The following XKR9 variants were observed in gnomAD, a reference collection of about 807,000 sequenced individuals.
XKR9 encodes the protein XK-related protein 9.
XKR9 carries 32 observed loss-of-function variants against 32.0 expected under a neutral mutation model. The ratio of observed to expected loss-of-function variants is 1.00; its 90% confidence interval spans 0.76 to 1.34. The LOEUF (loss-of-function observed/expected upper bound fraction) is 1.34. Ranked by LOEUF, XKR9 falls within the 40% of genes most tolerant of loss-of-function variation. The pLI, the probability that XKR9 is intolerant of heterozygous loss-of-function variation, is 0.00. For synonymous variants in XKR9, 168 were observed against 143.4 expected, an observed-to-expected ratio of 1.17 and a Z score of -1.22; for missense variants, 546 against 429.7, an observed-to-expected ratio of 1.27 and a Z score of -2.39.
the XKR9 span, among the ~76,000 whole-genome samples, chr8:71,037,955 A>C: frequency 8.0e-4 from 122 of 152,320 alleles, 1 homozygote; most frequent in East Asian, 0.022. Context: ...ATGTACACGA[A>C]ATGTTGGCAA....
At chr8:70,926,158 T>C in the XKR9 span, among the ~76,000 whole-genome samples, 5 of 152,194 alleles carry the variant, frequency 3.3e-5, no homozygotes, top group African/African-American at 1.2e-4. Context: ...CACTGCAACC[T>C]CCACCTCCCA....
At chr8:70,972,451 T>C in the XKR9 span, among the ~76,000 whole-genome samples, 1 of 152,178 alleles carries the variant, frequency 6.6e-6, no homozygotes, top group Admixed American at 6.5e-5. Context: ...TTGGGTGCCC[T>C]TAATTTTTTT....
chr8:70,924,577 G>A, the XKR9 span, among the ~76,000 whole-genome samples: 2 of 152,224 alleles, frequency 1.3e-5, 1 homozygote, highest in Admixed American at 1.3e-4. Flanking sequence ...CCATTTTCCT[G>A]TACCTCTCTG....
chr8:70,875,927 C>T, the XKR9 span, among the ~76,000 whole-genome samples: 1 of 151,708 alleles, frequency 6.6e-6, no homozygotes, highest in Non-Finnish European at 1.5e-5. Flanking sequence ...ATCAGCAAAC[C>T]ATAAATGTAG....
chr8:70,861,975 A>G, the XKR9 span, among the ~76,000 whole-genome samples: 1 of 152,158 alleles, frequency 6.6e-6, no homozygotes, highest in Non-Finnish European at 1.5e-5. Context: ...TATTTTACTG[A>G]AATACTGTGT....
At chr8:70,674,655 T>C (rs1818825192) in intron 1 of XKR9, among the ~76,000 whole-genome samples, 163 bp from the exon 2 acceptor site, 2 of 152,244 alleles carry the variant, frequency 1.3e-5, no homozygotes, top group South Asian at 4.1e-4. Flanking sequence ...TGCTATTTCT[T>C]CCTCTCAATG....
At chr8:70,754,583 G>A (rs1478113692) in intron 2 of XKR9, among the ~76,000 whole-genome samples, 2 of 151,020 alleles carry the variant, frequency 1.3e-5, no homozygotes, top group East Asian at 3.9e-4. Flanking sequence ...CAGTGGAACA[G>A]AACAGAGCCC....
chr8:71,010,205 A>G, the XKR9 span, among the ~76,000 whole-genome samples: 1 of 152,210 alleles, frequency 6.6e-6, no homozygotes. Context: ...ACAGCTGATA[A>G]GAAGTGTTTT....
chr8:70,800,189 C>T, the XKR9 span, among the ~76,000 whole-genome samples: 1 of 152,186 alleles, frequency 6.6e-6, no homozygotes, highest in Non-Finnish European at 1.5e-5. Context: ...GTTGAACCGA[C>T]CTTGCATCCC....
the XKR9 span, among the ~76,000 whole-genome samples, chr8:70,970,901 C>T: frequency 6.6e-6 from 1 of 152,162 alleles, no homozygotes; most frequent in Admixed American, 6.5e-5. Flanking sequence ...TGTGGCGATT[C>T]CTTAAAGATC....
At chr8:70,782,482 T>A (rs972988280) in intron 2 of XKR9, among the ~76,000 whole-genome samples, 1 of 152,020 alleles carries the variant, frequency 6.6e-6, no homozygotes, top group African/African-American at 2.4e-5. Context: ...CTGCATACAG[T>A]TGTAAAAAAA....
chr8:70,880,413 A>G, the XKR9 span, among the ~76,000 whole-genome samples: 39 of 152,342 alleles, frequency 2.6e-4, 1 homozygote, highest in South Asian at 7.9e-3. Flanking sequence ...CTGATAAGCA[A>G]CTTAGGCAAA....
intron 2 of XKR9, among the ~76,000 whole-genome samples, chr8:70,748,884 G>T (rs1412712071): frequency 6.6e-6 from 1 of 151,624 alleles, no homozygotes; most frequent in African/African-American, 2.4e-5. Flanking sequence ...CAGACATTGG[G>T]ACTACAAGCT....
chr8:70,972,398 T>C, the XKR9 span, among the ~76,000 whole-genome samples: 1 of 152,172 alleles, frequency 6.6e-6, no homozygotes, highest in Non-Finnish European at 1.5e-5. Flanking sequence ...CATACAATTA[T>C]ATAATCAGCA....
At chr8:70,872,746 T>C in the XKR9 span, among the ~76,000 whole-genome samples, 102,747 of 151,980 alleles carry the variant, frequency 0.68, 35,234 homozygotes, top group Admixed American at 0.74. Context: ...CTGCAACCTC[T>C]TCCTCCCAGG....
the XKR9 span, among the ~76,000 whole-genome samples, chr8:71,044,036 G>A: frequency 2.0e-5 from 3 of 152,158 alleles, no homozygotes; most frequent in Non-Finnish European, 4.4e-5. Flanking sequence ...CAACATGCAA[G>A]TTGGAAGGAT....
chr8:70,968,038 T>A, the XKR9 span, among the ~76,000 whole-genome samples: 968 of 152,364 alleles, frequency 6.4e-3, 11 homozygotes, highest in African/African-American at 0.022. Flanking sequence ...GTTCTCCAAC[T>A]TGGTTCCATT....
chr8:71,034,757 T>C, the XKR9 span, among the ~76,000 whole-genome samples: 1 of 152,030 alleles, frequency 6.6e-6, no homozygotes, highest in East Asian at 1.9e-4. Context: ...CCGGACGTCA[T>C]GGAACAGAGG....
At chr8:70,850,242 A>G in the XKR9 span, among the ~76,000 whole-genome samples, 1 of 152,032 alleles carries the variant, frequency 6.6e-6, no homozygotes, top group Non-Finnish European at 1.5e-5. Context: ...CAGGCGGATC[A>G]CTAGGTCAGG....
Sources: allele counts gnomAD v4.1 joint callset (sites outside exome capture counted in the v4.1 genomes callset), GRCh38; gene constraint gnomAD v4.1.1; transcripts MANE v1.5; gene names NCBI Gene and HGNC (gene_info 2026-07-23, HGNC 2026-07-21).